Variants in ASTN2 observed in about 807,000 individuals in gnomAD.
The protein encoded by ASTN2 is astrotactin-2.
Under a neutral mutation model 139.8 loss-of-function variants are expected in ASTN2, and 54 were observed. The ratio of observed to expected loss-of-function variants is 0.39; its 90% CI spans 0.31 to 0.48. The LOEUF is 0.48. Ranked by LOEUF, ASTN2 falls within the 20% of genes least tolerant of loss-of-function variation. ASTN2 has a pLI of 0.95. For missense variants in ASTN2, 1,565 were observed against 1,725.1 expected (o/e 0.91, Z 1.64); for synonymous variants, 756 against 719.5 (o/e 1.05, Z -0.81).
chr9:116,844,387 C>T (rs893587345), intron 11 of ASTN2, among the ~76,000 whole-genome samples: 24 of 152,188 alleles, frequency 1.6e-4, no homozygotes. Flanking sequence ...ATACACACAG[C>T]TTCCTTTTCT....
intron 10 of ASTN2, among the ~76,000 whole-genome samples, chr9:116,964,213 TGG>T (rs758835935): frequency 2.5e-5 from 3 of 121,096 alleles, no homozygotes; most frequent in African/African-American, 6.2e-5. Flanking sequence ...TAGACTGCCC[TGG>T]GGTGTGTGTG....
intron 10 of ASTN2, among the ~76,000 whole-genome samples, chr9:116,921,850 A>G (rs1834621633): frequency 6.6e-6 from 1 of 152,134 alleles, no homozygotes; most frequent in Non-Finnish European, 1.5e-5. Flanking sequence ...CCCATTATCC[A>G]ATAACCTTCC....
intron 20 of ASTN2, among the ~76,000 whole-genome samples, chr9:116,451,832 A>ATGTG (rs1554765861): frequency 6.6e-6 from 1 of 150,836 alleles, no homozygotes; most frequent in East Asian, 2.0e-4. Flanking sequence ...TATGCAAATG[A>ATGTG]TCTGAGTGTA....
chr9:116,626,197 T>A (rs189018788), intron 17 of ASTN2, among the ~76,000 whole-genome samples: 31 of 125,768 alleles, frequency 2.5e-4, no homozygotes, highest in African/African-American at 7.7e-4. Flanking sequence ...GTAGAGACAC[T>A]GTTTCATCAT....
chr9:117,067,513 C>T (rs1182398223), intron 5 of ASTN2, among the ~76,000 whole-genome samples: 1 of 132,888 alleles, frequency 7.5e-6, no homozygotes, highest in Non-Finnish European at 1.6e-5. Context: ...TCCATATGAA[C>T]TTTAAAGTAG....
At chr9:116,535,580 G>C (rs988233527) in intron 19 of ASTN2, among the ~76,000 whole-genome samples, 4 of 152,094 alleles carry the variant, frequency 2.6e-5, no homozygotes, top group African/African-American at 9.7e-5. Context: ...GCATTTGCTT[G>C]TCTATAAAGG....
chr9:117,275,766 A>G (rs10121444), intron 2 of ASTN2, among the ~76,000 whole-genome samples: 1 of 151,984 alleles, frequency 6.6e-6, no homozygotes, highest in Non-Finnish European at 1.5e-5. Flanking sequence ...GGGTTTCGCC[A>G]TGTTGACCAG....
At position 116,768,690 on chromosome 9, in the gene ASTN2, G is replaced by A. The variant is rs189739239; in HGVS notation, c.2397-35167C>T. ...ATGGGTTTAGTGCCCTGAGAGACCC[G>A]CTTGCCTCTTCCACCATTTGAGGAT... On this transcript the variant is annotated intron_variant, in intron 13 of 22. Coordinates refer to ENST00000313400, the MANE Select transcript of ASTN2 (RefSeq NM_001365068.1). Among the ~76,000 whole-genome samples the A allele has an allele frequency of 2.3e-4, 35 of 152,262 alleles. No individual in the cohort carries two copies. The East Asian group carries it at 3.9e-3, about 17-fold the overall frequency.
intron 6 of ASTN2, among the ~76,000 whole-genome samples, chr9:117,039,607 T>A (rs1199381421): frequency 6.6e-6 from 1 of 151,932 alleles, no homozygotes; most frequent in Non-Finnish European, 1.5e-5. Flanking sequence ...GAAAAAAAAA[T>A]TAAAAAAAAT....
At position 117,060,488 on chromosome 9, in the gene ASTN2, T is replaced by TGAATGAAA. The variant is rs1839248028; in HGVS notation, c.1277-20524_1277-20523insTTTCATTC. Among the ~76,000 whole-genome samples, 3 of 29,768 alleles carry TGAATGAAA rather than the reference T, an allele frequency of 1.0e-4. 1 individual carries two copies. Among genetic ancestry groups the TGAATGAAA allele is most frequent in the Non-Finnish European group, 1.9e-4 (3 of 15,964 alleles). The allele number at this position is 29,768 out of a possible 152,430, so 19.5% of individuals were successfully genotyped here. The stretch of plus-strand genomic sequence containing the variant: ...AGGAAGGAAGGAAGGAAGGAAGGAA[T>TGAATGAAA]GAAAGAAAGAAAGAAAGAAAGAAAG... On this transcript the variant is annotated intron_variant, in intron 5 of 22. Coordinates refer to ENST00000313400, the MANE Select transcript of ASTN2 (RefSeq NM_001365068.1).
intron 2 of ASTN2, among the ~76,000 whole-genome samples, chr9:117,216,105 A>G (rs1415168397): frequency 6.6e-6 from 1 of 152,254 alleles, no homozygotes; most frequent in Non-Finnish European, 1.5e-5. Context: ...CTATCTGTAC[A>G]GCATCTAACA....
intron 2 of ASTN2, among the ~76,000 whole-genome samples, chr9:117,280,469 G>T (rs1432054801): frequency 6.6e-6 from 1 of 152,136 alleles, no homozygotes; most frequent in Non-Finnish European, 1.5e-5. Context: ...CCTAAATCCA[G>T]TGACAAGCAT....
chr9:116,908,575 C>T (rs1319596649), intron 10 of ASTN2, among the ~76,000 whole-genome samples: 4 of 152,162 alleles, frequency 2.6e-5, no homozygotes, highest in African/African-American at 4.8e-5. Flanking sequence ...GAAAGTCTCT[C>T]GCAGAGCCAA....
chr9:117,070,689 C>G (rs1414092469), intron 5 of ASTN2, among the ~76,000 whole-genome samples: 1 of 146,576 alleles, frequency 6.8e-6, no homozygotes, highest in Non-Finnish European at 1.5e-5. Flanking sequence ...TCCCATATTT[C>G]TTGGAGGCTT....
At chr9:117,268,620 A>AG (rs943294915) in intron 2 of ASTN2, among the ~76,000 whole-genome samples, 9 of 152,226 alleles carry the variant, frequency 5.9e-5, no homozygotes, top group African/African-American at 2.2e-4. Flanking sequence ...ATAAAGATTA[A>AG]GTGCTTAACA....
chr9:116,520,071 A>G (rs1005858748), intron 19 of ASTN2, among the ~76,000 whole-genome samples: 16 of 152,242 alleles, frequency 1.1e-4, no homozygotes, highest in African/African-American at 3.8e-4. Flanking sequence ...GAATTCTATC[A>G]GACATTCAAA....
intron 11 of ASTN2, among the ~76,000 whole-genome samples, chr9:116,862,528 G>A (rs776219765): frequency 2.6e-5 from 4 of 152,180 alleles, no homozygotes; most frequent in African/African-American, 2.4e-5. Context: ...CTGGAAAGAT[G>A]TTCACTTGTT....
At chr9:116,492,750 A>C (rs1849555312) in intron 19 of ASTN2, among the ~76,000 whole-genome samples, 1 of 152,222 alleles carries the variant, frequency 6.6e-6, no homozygotes, top group Non-Finnish European at 1.5e-5. Flanking sequence ...ACATGGTTCC[A>C]CCTTGCCATC....
At chr9:116,577,329 G>A (rs1853761926) in intron 19 of ASTN2, among the ~76,000 whole-genome samples, 1 of 152,130 alleles carries the variant, frequency 6.6e-6, no homozygotes, top group South Asian at 2.1e-4. Context: ...AAGAGTTGCA[G>A]ACCAGCCTGG....
Sources: gnomAD v4.1 joint callset for allele counts (sites outside exome capture counted in the v4.1 genomes callset) on GRCh38, gnomAD v4.1.1 for gene constraint, MANE v1.5 for transcripts, NCBI Gene and HGNC (gene_info 2026-07-23, HGNC 2026-07-21) for gene names.